The following NRXN3 variants were observed in gnomAD, a reference collection of about 807,000 sequenced individuals.
The protein encoded by NRXN3 is neurexin 3.
In NRXN3, 32 loss-of-function variants were observed where a neutral mutation model predicts 137.6. The observed-to-expected ratio is 0.23, with a 90% CI of 0.18 to 0.31. The LOEUF (loss-of-function observed/expected upper bound fraction) is 0.31. Ranked by LOEUF, NRXN3 falls within the 10% of genes least tolerant of loss-of-function variation. The pLI, the probability that NRXN3 is intolerant of heterozygous loss-of-function variation, is 1.00. For synonymous variants in NRXN3, 798 were observed against 784.5 expected (o/e 1.02, Z -0.29); for missense variants, 1,574 against 2,062.5 (o/e 0.76, Z 4.59).
intron 16 of NRXN3, among the ~76,000 whole-genome samples, chr14:79,587,363 G>A (rs139920951): frequency 6.6e-6 from 1 of 152,058 alleles, no homozygotes; most frequent in Non-Finnish European, 1.5e-5. Context: ...GATCTTTGTC[G>A]TTTTCACCAC....
intron 15 of NRXN3, among the ~76,000 whole-genome samples, chr14:79,436,754 C>A (rs547010025): frequency 2.0e-5 from 3 of 152,194 alleles, no homozygotes; most frequent in Non-Finnish European, 4.4e-5. Context: ...GTGAGGACTG[C>A]AGGTACCACT....
intron 15 of NRXN3, among the ~76,000 whole-genome samples, chr14:79,062,491 A>G (rs895515880): frequency 6.6e-6 from 1 of 152,172 alleles, no homozygotes; most frequent in Non-Finnish European, 1.5e-5. Flanking sequence ...CCAGAATGGT[A>G]TTAATCCATT....
At chr14:79,270,720 G>A (rs2079174452) in intron 15 of NRXN3, among the ~76,000 whole-genome samples, 1 of 152,124 alleles carries the variant, frequency 6.6e-6, no homozygotes, top group Non-Finnish European at 1.5e-5. Flanking sequence ...TGTCCAGATT[G>A]GAAATAGTAA....
intron 16 of NRXN3, among the ~76,000 whole-genome samples, chr14:79,572,330 A>G (rs1404912364): frequency 6.6e-6 from 1 of 152,240 alleles, no homozygotes; most frequent in Non-Finnish European, 1.5e-5. Context: ...TGCAAATAAT[A>G]TATAAATTAG....
In NRXN3 at chr14:78,273,425, G is replaced by C. The variant is rs529344377; in HGVS notation, c.710-5220G>C. The stretch of plus-strand genomic sequence containing the variant: ...GATTTTATTACCTTCATATATGAGA[G>C]GATAAGAGTATTATAAAAATCAACC... On this transcript the variant is annotated intron_variant, in intron 2 of 20. Transcript: ENST00000335750. Among the ~76,000 whole-genome samples, 7 of 152,328 alleles carry C rather than the reference G, an allele frequency of 4.6e-5. No homozygotes were observed. The South Asian group carries it at 1.5e-3, about 32-fold the overall frequency.
At chr14:79,699,368 CTTGTT>C (rs1252743210) in intron 19 of NRXN3, among the ~76,000 whole-genome samples, 2 of 151,984 alleles carry the variant, frequency 1.3e-5, no homozygotes, top group Non-Finnish European at 2.9e-5. Flanking sequence ...TCTTGGCAGA[CTTGTT>C]TTGTTTCTGT....
intron 8 of NRXN3, among the ~76,000 whole-genome samples, chr14:78,777,377 A>G (rs181312154): frequency 1.2e-4 from 19 of 152,318 alleles, no homozygotes; most frequent in African/African-American, 3.8e-4. Flanking sequence ...TACAGCTAAT[A>G]TAAGTCGCAT....
At chr14:78,955,813 G>A (rs964654774) in intron 10 of NRXN3, among the ~76,000 whole-genome samples, 3 of 152,178 alleles carry the variant, frequency 2.0e-5, no homozygotes, top group Non-Finnish European at 4.4e-5. Flanking sequence ...AAAAGGTGTA[G>A]TTTGAAATTA....
chr14:78,673,805 G>A (rs2097964489), intron 6 of NRXN3, among the ~76,000 whole-genome samples: 1 of 152,208 alleles, frequency 6.6e-6, no homozygotes, highest in South Asian at 2.1e-4. Context: ...ATACCATCAT[G>A]TTGGAGATCA....
chr14:79,110,084 A>G (rs2053202267), intron 15 of NRXN3, among the ~76,000 whole-genome samples: 1 of 152,206 alleles, frequency 6.6e-6, no homozygotes, highest in Non-Finnish European at 1.5e-5. Flanking sequence ...AGAATACCAT[A>G]CTTGTCATAG....
intron 4 of NRXN3, among the ~76,000 whole-genome samples, chr14:78,627,093 C>G (rs1404117162): frequency 3.5e-5 from 5 of 142,954 alleles, no homozygotes; most frequent in Admixed American, 2.9e-4. Flanking sequence ...CTCCCTTCCT[C>G]CCTCCCTCCC....
intron 19 of NRXN3, among the ~76,000 whole-genome samples, chr14:79,747,419 T>A (rs2098983029): frequency 6.6e-6 from 1 of 152,080 alleles, no homozygotes; most frequent in Non-Finnish European, 1.5e-5. Flanking sequence ...CTAGGTTACT[T>A]CACAACTTCT....
chr14:78,452,120 CTGAGT>C (rs1264811083), intron 4 of NRXN3, among the ~76,000 whole-genome samples: 6 of 152,258 alleles, frequency 3.9e-5, no homozygotes, highest in Middle Eastern at 3.4e-3. Flanking sequence ...TGTGCATAAT[CTGAGT>C]TAATTCTTAC....
chr14:78,939,317 A>AG (rs1265072111), intron 10 of NRXN3, among the ~76,000 whole-genome samples: 3 of 152,232 alleles, frequency 2.0e-5, no homozygotes, highest in Non-Finnish European at 4.4e-5. Flanking sequence ...AATCAATTTA[A>AG]GGTACACTTT....
chr14:79,635,908 C>A (rs191878241), intron 16 of NRXN3, among the ~76,000 whole-genome samples: 1 of 152,006 alleles, frequency 6.6e-6, no homozygotes, highest in Non-Finnish European at 1.5e-5. Context: ...CTTATGGAAC[C>A]ATGAGATCTC....
chr14:78,569,530 G>GTCCAGAACTCCTAGACTCAAGCGATCCT (rs1335680136), intron 4 of NRXN3, among the ~76,000 whole-genome samples: 1 of 151,678 alleles, frequency 6.6e-6, no homozygotes, highest in Admixed American at 6.6e-5. Flanking sequence ...CTCCCAAAGT[G>GTCCAGAACTCCTAGACTCAAGCGATCCT]CTGGGATTAC....
rs1033346554 is a variant in NRXN3 at position 79,457,623 on chromosome 14, C to T, written c.3263-9598C>T. Among the ~76,000 whole-genome samples, 4 of 152,174 alleles carry T rather than the reference C, an allele frequency of 2.6e-5. No individual in the cohort carries two copies. The South Asian group carries it at 6.2e-4, about 24-fold the overall frequency. ...CTTCAAAAATATTAGCCAGCTTTTC[C>T]AGAAAAATCGTGTTGTATGAATTAA... On this transcript the variant is annotated intron_variant, in intron 15 of 20. Coordinates refer to ENST00000335750, the MANE Select transcript of NRXN3 (RefSeq NM_001330195.2).
chr14:79,144,390 C>G (rs1045396428), intron 15 of NRXN3, among the ~76,000 whole-genome samples: 2 of 152,132 alleles, frequency 1.3e-5, no homozygotes, highest in Non-Finnish European at 2.9e-5. Flanking sequence ...ATGCATGTCT[C>G]CTGAGATTGG....
At chr14:78,889,284 G>A (rs73323303) in intron 10 of NRXN3, among the ~76,000 whole-genome samples, 2,535 of 151,946 alleles carry the variant, frequency 0.017, 72 homozygotes, top group African/African-American at 0.058. Context: ...TCTTCACTGG[G>A]GAAATGTCTA....
Sources: gnomAD v4.1 joint callset for allele counts (sites outside exome capture counted in the v4.1 genomes callset) on GRCh38, gnomAD v4.1.1 for gene constraint, MANE v1.5 for transcripts, NCBI Gene and HGNC (gene_info 2026-07-23, HGNC 2026-07-21) for gene names.